PFDN1: variants seen among roughly 807,000 people sequenced by gnomAD.
The protein encoded by PFDN1 is prefoldin 1.
A neutral mutation model predicts 17.3 loss-of-function variants in PFDN1; 6 were observed. That is an observed-to-expected ratio of 0.35 (90% CI 0.19 to 0.69). The LOEUF is 0.69. PFDN1 is among the 30% of genes least tolerant of loss of function. The pLI is 0.65. For missense variants in PFDN1, 113 were observed against 146.2 expected, an observed-to-expected ratio of 0.77 and a Z score of 1.17; for synonymous variants, 58 against 50.1, an observed-to-expected ratio of 1.16 and a Z score of -0.67.
At chr5:140,284,904 T>A (rs1366783592) in intron 2 of PFDN1, among the ~76,000 whole-genome samples, 1 of 152,216 alleles carries the variant, frequency 6.6e-6, no homozygotes, top group Non-Finnish European at 1.5e-5. Flanking sequence ...GAAAACATAA[T>A]TCTGAGACTT....
chr5:140,276,094 C>G (rs1051217480), intron 3 of PFDN1, among the ~76,000 whole-genome samples: 24 of 151,888 alleles, frequency 1.6e-4, no homozygotes, highest in African/African-American at 5.6e-4. Flanking sequence ...GTAGATTAGA[C>G]TGACAAGAAA....
At chr5:140,259,407 G>A (rs1765032997) in intron 3 of PFDN1, among the ~76,000 whole-genome samples, 1 of 152,182 alleles carries the variant, frequency 6.6e-6, no homozygotes, top group African/African-American at 2.4e-5. Context: ...TATGCCCAAG[G>A]AAACGATTAC....
intron 3 of PFDN1, among the ~76,000 whole-genome samples, chr5:140,279,999 AAAAAAAAAAAAAAACAAAAAAAG>A (rs1765366909): frequency 2.0e-5 from 2 of 101,106 alleles, no homozygotes; most frequent in African/African-American, 1.1e-4. Flanking sequence ...CCGTCTCAAA[AAAAAAAAAAAAAAACAAAAAAAG>A]AAAAGAAAAG....
In PFDN1 at chr5:140,245,930, C is replaced by A. The variant is rs780162595; in HGVS notation, c.*44G>T. 2.0e-4 allele frequency: 225 copies of A among 1,130,288 alleles called. No individual in the cohort carries two copies. Among genetic ancestry groups the A allele is most frequent in the Admixed American group, 5.2e-4 (26 of 50,456 alleles). The allele number at this position is 1,130,288 out of a possible 1,614,324, so 70.0% of individuals were successfully genotyped here. A position where few individuals can be genotyped will look rare whatever the true frequency, so the allele number is the denominator to read the frequency against. On this transcript the variant is annotated 3_prime_UTR_variant, in exon 4 of 4. Transcript: ENST00000261813. ...CCTGCAGACACTCCTCTGCCCCCACCAGGAATGGGAGGGGCAGGAGGAAGA... is the reference window on the plus strand; with the variant it reads ...CCTGCAGACACTCCTCTGCCCCCACAAGGAATGGGAGGGGCAGGAGGAAGA...
At chr5:140,258,928 G>A (rs1581083559) in intron 3 of PFDN1, among the ~76,000 whole-genome samples, 1 of 152,192 alleles carries the variant, frequency 6.6e-6, no homozygotes, top group Admixed American at 6.5e-5. Flanking sequence ...ACTTGAAGTC[G>A]TGAGAATGGA....
At chr5:140,263,254 G>T (rs940203169) in intron 3 of PFDN1, among the ~76,000 whole-genome samples, 3 of 152,334 alleles carry the variant, frequency 2.0e-5, no homozygotes, top group African/African-American at 7.2e-5. Flanking sequence ...TTAACAGACA[G>T]ACTCTGCCTG....
chr5:140,287,020 C>T (rs183214731), intron 2 of PFDN1, among the ~76,000 whole-genome samples: 6 of 152,240 alleles, frequency 3.9e-5, no homozygotes, highest in African/African-American at 1.4e-4. Context: ...CTTTTTCGTA[C>T]CATATTATAG....
At chr5:140,260,271 T>C (rs565957347) in intron 3 of PFDN1, among the ~76,000 whole-genome samples, 4 of 152,270 alleles carry the variant, frequency 2.6e-5, no homozygotes, top group South Asian at 2.1e-4. Context: ...CCCTCATATA[T>C]TGCTGGTGAT....
intron 2 of PFDN1, among the ~76,000 whole-genome samples, chr5:140,283,048 G>A (rs1581094248): frequency 6.6e-6 from 1 of 152,124 alleles, no homozygotes; most frequent in Admixed American, 6.6e-5. Context: ...AAGAGAGTCC[G>A]TTATTATAGA....
chr5:140,299,528 C>T (rs1042545334), intron 2 of PFDN1, among the ~76,000 whole-genome samples: 4 of 149,830 alleles, frequency 2.7e-5, no homozygotes, highest in South Asian at 2.1e-4. Context: ...ACCCAAGAGG[C>T]GGAGGTTGCA....
chr5:140,288,778 A>T (rs1765536066), intron 2 of PFDN1, among the ~76,000 whole-genome samples: 1 of 151,968 alleles, frequency 6.6e-6, no homozygotes, highest in Non-Finnish European at 1.5e-5. Context: ...TGAGGTCTGT[A>T]GTTCGACACC....
chr5:140,261,304 G>A (rs1765062426), intron 3 of PFDN1, among the ~76,000 whole-genome samples: 1 of 152,052 alleles, frequency 6.6e-6, no homozygotes, highest in Admixed American at 6.6e-5. Context: ...CATACAAACG[G>A]GTTGGGGTAA....
At chr5:140,272,203 A>G (rs1197051942) in intron 3 of PFDN1, among the ~76,000 whole-genome samples, 1 of 151,926 alleles carries the variant, frequency 6.6e-6, no homozygotes, top group African/African-American at 2.4e-5. Context: ...TATTTTTAGT[A>G]GAGACAGGAT....
intron 3 of PFDN1, among the ~76,000 whole-genome samples, chr5:140,252,027 G>C (rs1175271078): frequency 6.9e-6 from 1 of 144,120 alleles, no homozygotes; most frequent in East Asian, 2.0e-4. Flanking sequence ...TGTTTATCCT[G>C]CCTTGGGGTA....
chr5:140,277,078 T>C (rs977745611), intron 3 of PFDN1, among the ~76,000 whole-genome samples: 1 of 151,888 alleles, frequency 6.6e-6, no homozygotes, highest in African/African-American at 2.4e-5. Flanking sequence ...AAAAATTAGC[T>C]GGGCATAGTG....
chr5:140,262,661 T>G, intron 3 of PFDN1: 1 of 391,500 alleles, frequency 2.6e-6, no homozygotes, highest in Non-Finnish European at 5.4e-6. Flanking sequence ...ACAGGATGTA[T>G]ATCAAACACG....
chr5:140,285,587 C>T (rs1258809977), intron 2 of PFDN1, among the ~76,000 whole-genome samples: 1 of 151,950 alleles, frequency 6.6e-6, no homozygotes, highest in Admixed American at 6.6e-5. Context: ...GAGTTACAGA[C>T]TTCTGTTATT....
At chr5:140,299,094 T>G (rs1403063545) in intron 2 of PFDN1, among the ~76,000 whole-genome samples, 3 of 144,054 alleles carry the variant, frequency 2.1e-5, no homozygotes, top group African/African-American at 8.9e-5. Flanking sequence ...TATTTTTATT[T>G]TACAACACTG....
chr5:140,299,970 C>T (rs1765717185), intron 2 of PFDN1, among the ~76,000 whole-genome samples: 1 of 152,134 alleles, frequency 6.6e-6, no homozygotes, highest in Non-Finnish European at 1.5e-5. Flanking sequence ...CAAGATCGGG[C>T]CATTGCACTC....
Sources: allele counts gnomAD v4.1 joint callset (sites outside exome capture counted in the v4.1 genomes callset), GRCh38; gene constraint gnomAD v4.1.1; transcripts MANE v1.5; gene names NCBI Gene and HGNC (gene_info 2026-07-23, HGNC 2026-07-21).